The following SCAPER variants were observed in gnomAD, a reference collection of about 807,000 sequenced individuals.
SCAPER encodes the protein S-phase cyclin A associated protein in the ER.
A neutral mutation model predicts 182.2 loss-of-function variants in SCAPER; 98 were observed. The ratio of observed to expected loss-of-function variants is 0.54; its 90% CI spans 0.46 to 0.64. The LOEUF (loss-of-function observed/expected upper bound fraction) is 0.64. SCAPER is among the 30% of genes least tolerant of loss of function. SCAPER has a pLI of 0.00. For synonymous variants in SCAPER, 605 were observed against 564.6 expected (o/e 1.07, Z -1.01); for missense variants, 1,432 against 1,690.0 (o/e 0.85, Z 2.68).
chr15:76,654,241 A>C (rs2055418299), intron 21 of SCAPER, among the ~76,000 whole-genome samples: 2 of 152,106 alleles, frequency 1.3e-5, no homozygotes, highest in African/African-American at 4.8e-5. Flanking sequence ...TCTCTACTAA[A>C]ACTACGAAAA....
chr15:76,420,801 T>C (rs2045979219), intron 26 of SCAPER, among the ~76,000 whole-genome samples: 1 of 152,166 alleles, frequency 6.6e-6, no homozygotes, highest in South Asian at 2.1e-4. Flanking sequence ...CCCCGGTGTG[T>C]GATGTTCCCC....
At chr15:76,373,273 C>T (rs2042316439) in intron 29 of SCAPER, among the ~76,000 whole-genome samples, 1 of 152,212 alleles carries the variant, frequency 6.6e-6, no homozygotes, top group Admixed American at 6.5e-5. Context: ...GTCTCCAACT[C>T]CTGACCTCAG....
At chr15:76,824,714 A>G (rs2067849348) in intron 5 of SCAPER, among the ~76,000 whole-genome samples, 1 of 138,288 alleles carries the variant, frequency 7.2e-6, no homozygotes, top group Admixed American at 7.3e-5. Flanking sequence ...TCAGTTTTCA[A>G]TCACTCATTT....
rs185257046 is a variant in SCAPER at position 76,601,805 on chromosome 15, C to T, written c.2711+19959G>A. On this transcript the variant is annotated intron_variant, in intron 22 of 31. Coordinates refer to ENST00000563290, the MANE Select transcript of SCAPER (RefSeq NM_020843.4). ...AATATTCCTCATTTTTCCTTCCTATCCCTTCTATCACTGCTGTCATTCATT... is the reference window on the plus strand; with the variant it reads ...AATATTCCTCATTTTTCCTTCCTATTCCTTCTATCACTGCTGTCATTCATT... Among the ~76,000 whole-genome samples, 435 of 121,208 alleles carry T rather than the reference C, an allele frequency of 3.6e-3. 53 individuals are homozygous for T. The highest frequency in any genetic ancestry group is 0.01 in the African/African-American group (415 of 39,808). 79.5% of individuals were successfully genotyped at this position (121,208 alleles called of 152,430 possible).
chr15:76,732,582 C>A (rs376765104), intron 16 of SCAPER, among the ~76,000 whole-genome samples: 1 of 152,000 alleles, frequency 6.6e-6, no homozygotes, highest in Non-Finnish European at 1.5e-5. Flanking sequence ...CGTGGTCTAG[C>A]GGTAGCATCA....
rs945948566 is a variant in SCAPER at position 76,739,519 on chromosome 15, G to T, written c.1867-6135C>A. ...GACACTCCACCTGATAACCAAGATG[G>T]CTACTAACACACCAATGAGCAGATA... On this transcript the variant is annotated intron_variant, in intron 15 of 31. Transcript: ENST00000563290. Among the ~76,000 whole-genome samples, 11 of 152,112 alleles carry T rather than the reference G, an allele frequency of 7.2e-5. 1 individual carries two copies. The highest frequency in any genetic ancestry group is 1.5e-4 in the Non-Finnish European group (10 of 68,028).
chr15:76,768,864 AGTT>A (rs1272251662), intron 10 of SCAPER, among the ~76,000 whole-genome samples: 4 of 152,018 alleles, frequency 2.6e-5, no homozygotes, highest in African/African-American at 9.7e-5. Context: ...GTTCACATAA[AGTT>A]GTACACAAAA....
chr15:76,429,479 T>G (rs2046708844), intron 26 of SCAPER, among the ~76,000 whole-genome samples: 2 of 152,144 alleles, frequency 1.3e-5, no homozygotes, highest in African/African-American at 2.4e-5. Context: ...GTAACGACAA[T>G]GAAATCCAGG....
intron 22 of SCAPER, among the ~76,000 whole-genome samples, chr15:76,611,676 A>T (rs2051009629): frequency 6.6e-6 from 1 of 152,166 alleles, no homozygotes; most frequent in Non-Finnish European, 1.5e-5. Flanking sequence ...GTTCATCATC[A>T]ATTTGGAAAA....
intron 21 of SCAPER, among the ~76,000 whole-genome samples, chr15:76,640,677 T>C (rs1323288036): frequency 6.6e-6 from 1 of 152,206 alleles, no homozygotes; most frequent in African/African-American, 2.4e-5. Flanking sequence ...TGCCAAGCTA[T>C]GACTGTTATG....
intron 25 of SCAPER, among the ~76,000 whole-genome samples, chr15:76,455,071 G>A (rs886323065): frequency 5.9e-5 from 9 of 151,850 alleles, no homozygotes; most frequent in Non-Finnish European, 1.0e-4. Flanking sequence ...TTCATTATTT[G>A]TGCCTCTTCT....
At chr15:76,429,918 G>A (rs2046751111) in intron 26 of SCAPER, among the ~76,000 whole-genome samples, 2 of 152,160 alleles carry the variant, frequency 1.3e-5, no homozygotes, top group African/African-American at 4.8e-5. Flanking sequence ...TCACAGACCT[G>A]GAGGCCTAGG....
chr15:76,819,331 C>A (rs1011037625), intron 5 of SCAPER, among the ~76,000 whole-genome samples: 25 of 152,298 alleles, frequency 1.6e-4, no homozygotes, highest in Non-Finnish European at 2.9e-4. Context: ...CTGGGAGCCA[C>A]CCCCCAGTAG....
chr15:76,530,295 C>A (rs915617791), intron 23 of SCAPER, among the ~76,000 whole-genome samples: 81 of 152,162 alleles, frequency 5.3e-4, no homozygotes, highest in Non-Finnish European at 1.6e-4. Flanking sequence ...CTATTTGTTG[C>A]AACTTATCCT....
intron 22 of SCAPER, among the ~76,000 whole-genome samples, chr15:76,621,541 C>T (rs553311372): frequency 6.6e-6 from 1 of 152,320 alleles, no homozygotes; most frequent in East Asian, 1.9e-4. Context: ...CCTCCACCCA[C>T]TTGATGCTAG....
intron 20 of SCAPER, among the ~76,000 whole-genome samples, chr15:76,700,438 C>T (rs2058878849): frequency 6.6e-6 from 1 of 152,214 alleles, no homozygotes; most frequent in Non-Finnish European, 1.5e-5. Flanking sequence ...TGAGAGTGGA[C>T]CACTCCTTGC....
intron 17 of SCAPER, among the ~76,000 whole-genome samples, chr15:76,722,957 T>C (rs911914385): frequency 6.6e-5 from 10 of 152,210 alleles, no homozygotes; most frequent in African/African-American, 1.7e-4. Flanking sequence ...TAGTTATTTC[T>C]TGCCTTCTGC....
chr15:76,379,979 C>G (rs2042842837), intron 28 of SCAPER: 1 of 152,110 alleles, frequency 6.6e-6, no homozygotes, highest in African/African-American at 2.4e-5. Context: ...CAAGAAGACC[C>G]GTGAAACAGG....
intron 23 of SCAPER, among the ~76,000 whole-genome samples, chr15:76,519,972 C>G (rs1230226160): frequency 6.6e-6 from 1 of 152,144 alleles, no homozygotes. Flanking sequence ...ATCCTGGGAT[C>G]TTTGTAGTAT....
Sources: allele counts gnomAD v4.1 joint callset (sites outside exome capture counted in the v4.1 genomes callset), GRCh38; gene constraint gnomAD v4.1.1; transcripts MANE v1.5; gene names NCBI Gene and HGNC (gene_info 2026-07-23, HGNC 2026-07-21).